Variants in INPP4A observed in about 807,000 individuals in gnomAD.
INPP4A encodes inositol polyphosphate-4-phosphatase type I A.
Under a neutral mutation model 119.8 loss-of-function variants are expected in INPP4A, and 33 were observed. That is an observed-to-expected ratio of 0.28 (90% confidence interval 0.21 to 0.37). The LOEUF (loss-of-function observed/expected upper bound fraction) is 0.37, where lower values mean the gene tolerates loss of function less well. INPP4A is among the 10% of genes least tolerant of loss of function. The probability of loss-of-function intolerance (pLI) is 1.00; values close to 1 mark genes in which losing one functional copy is unlikely to be tolerated. For synonymous variants in INPP4A, 496 were observed against 500.7 expected, an observed-to-expected ratio of 0.99 and a Z score of 0.12; for missense variants, 956 against 1,289.9, an observed-to-expected ratio of 0.74 and a Z score of 3.97.
chr2:98,585,873 A>G (rs571012054), intron 24 of INPP4A, among the ~76,000 whole-genome samples: 15 of 152,338 alleles, frequency 9.8e-5, no homozygotes, highest in South Asian at 6.2e-4. Flanking sequence ...CTCGCTCCTC[A>G]CGGCAGTTTA....
intron 1 of INPP4A, among the ~76,000 whole-genome samples, chr2:98,463,678 G>C (rs1674090226): frequency 6.6e-6 from 1 of 152,238 alleles, no homozygotes; most frequent in Non-Finnish European, 1.5e-5. Context: ...CTGTAGGAGA[G>C]CAGGAAGTAG....
At chr2:98,510,226 G>A (rs1376217607) in intron 1 of INPP4A, among the ~76,000 whole-genome samples, 1 of 152,192 alleles carries the variant, frequency 6.6e-6, no homozygotes, top group East Asian at 1.9e-4. Context: ...TTGGATGTGG[G>A]ATGTGAGAGG....
intron 1 of INPP4A, among the ~76,000 whole-genome samples, chr2:98,451,406 C>G (rs1395414613): frequency 6.6e-6 from 1 of 152,066 alleles, no homozygotes; most frequent in African/African-American, 2.4e-5. Context: ...GTCAGGAAGA[C>G]AGGGATGTCC....
intron 1 of INPP4A, among the ~76,000 whole-genome samples, chr2:98,460,707 G>A (rs905949659): frequency 2.0e-5 from 3 of 152,170 alleles, no homozygotes; most frequent in African/African-American, 7.2e-5. Context: ...TGTGGATGCT[G>A]CGGCTCACCC....
intron 1 of INPP4A, among the ~76,000 whole-genome samples, chr2:98,503,314 A>G (rs1169460722): frequency 1.3e-5 from 2 of 152,214 alleles, no homozygotes; most frequent in Non-Finnish European, 2.9e-5. Flanking sequence ...CCTGCAAGCT[A>G]AAACCCAGCT....
chr2:98,534,895 G>A (rs1689938048), intron 5 of INPP4A, among the ~76,000 whole-genome samples: 1 of 152,214 alleles, frequency 6.6e-6, no homozygotes, highest in Non-Finnish European at 1.5e-5. Context: ...GAACAACAGA[G>A]AAGAAGGCAC....
chr2:98,588,232 G>A lies in INPP4A; in HGVS notation c.*624G>A, dbSNP rs149329520. The stretch of plus-strand genomic sequence containing the variant: ...CTTTATTAGAAGGTAACACCTGCAA[G>A]GTACCCCACATAGTTGGGGCCACTC... On this transcript the variant is annotated 3_prime_UTR_variant, in exon 25 of 25. Transcript: ENST00000409851. 1.2e-3 allele frequency: 245 copies of A among 210,080 alleles called. No individual in the cohort carries two copies. The highest frequency in any genetic ancestry group is 5.1e-3 in the African/African-American group (225 of 44,164). The allele number at this position is 210,080 out of a possible 1,614,324, so 13.0% of individuals were successfully genotyped here.
At position 98,589,345 on chromosome 2, in the gene INPP4A, C is replaced by T. The variant is rs1177888223; in HGVS notation, c.*1737C>T. The T allele has an allele frequency of 1.1e-5, 2 of 185,616 alleles. No homozygotes were observed. Among genetic ancestry groups the T allele is most frequent in the African/African-American group, 4.7e-5 (2 of 42,622 alleles). The allele number at this position is 185,616 out of a possible 1,614,324, so 11.5% of individuals were successfully genotyped here. ...TGGCTGATTTACCCTTTCACCTCTC[C>T]ACCATCTCATTTAATTTGTAAATTT... On this transcript the variant is annotated 3_prime_UTR_variant, in exon 25 of 25. Transcript: ENST00000409851.
chr2:98,447,780 C>T (rs559953687), intron 1 of INPP4A, among the ~76,000 whole-genome samples: 2 of 152,202 alleles, frequency 1.3e-5, no homozygotes, highest in East Asian at 1.9e-4. Flanking sequence ...CAAGGATATT[C>T]ATAACAGCAG....
chr2:98,537,098 C>G (rs1206616038), intron 7 of INPP4A, among the ~76,000 whole-genome samples: 1 of 152,130 alleles, frequency 6.6e-6, no homozygotes, highest in African/African-American at 2.4e-5. Flanking sequence ...GAGCTAAAGG[C>G]GGCTGATGAT....
In INPP4A at chr2:98,573,291, C is replaced by T. The variant is rs1697809266; in HGVS notation, c.2631+364C>T. Reference sequence around the variant, plus strand: ...TGTGACCTTTCAGGTCTCTTTAAACCATCTTTATCGTCCATTGTGCCTCTG... The same window carrying T: ...TGTGACCTTTCAGGTCTCTTTAAACTATCTTTATCGTCCATTGTGCCTCTG... On this transcript the variant is annotated intron_variant, in intron 23 of 24. Transcript: ENST00000409851. Among the ~76,000 whole-genome samples the T allele has an allele frequency of 1.3e-5, 2 of 152,266 alleles. 1 individual carries two copies. Among genetic ancestry groups the T allele is most frequent in the East Asian group, 3.9e-4 (2 of 5,186 alleles).
intron 17 of INPP4A, among the ~76,000 whole-genome samples, chr2:98,563,049 C>T (rs1695775735): frequency 6.6e-6 from 1 of 152,184 alleles, no homozygotes; most frequent in Non-Finnish European, 1.5e-5. Context: ...TCACAGAGAA[C>T]CTTTCTGGGT....
intron 13 of INPP4A, chr2:98,548,944 T>C (rs757610433): frequency 5.6e-6 from 9 of 1,608,986 alleles, no homozygotes; most frequent in Non-Finnish European, 6.8e-6. Context: ...TTTGGTTCTT[T>C]TCTTTAGCAG....
At chr2:98,488,935 C>CTGTGTGTGTGTGTGTGTGTG (rs55758146) in intron 1 of INPP4A, among the ~76,000 whole-genome samples, 1 of 126,028 alleles carries the variant, frequency 7.9e-6, no homozygotes, top group African/African-American at 3.0e-5. Context: ...AGTACATGCA[C>CTGTGTGTGTGTGTGTGTGTG]TGTGTGTGTG....
rs941983040 is a variant in INPP4A, at chr2:98,566,905, A to C, written c.2420+736A>C. Among the ~76,000 whole-genome samples the C allele has an allele frequency of 6.6e-5, 10 of 152,180 alleles. No individual in the cohort carries two copies. The highest frequency in any genetic ancestry group is 1.3e-4 in the Non-Finnish European group (9 of 68,028). On this transcript the variant is annotated intron_variant, in intron 21 of 24. Coordinates refer to ENST00000409851, the MANE Select transcript of INPP4A (RefSeq NM_001134225.2). This position sits in a 1 kb window ranked among gnomAD's most constrained non-coding sequence, Gnocchi z 4.2. The stretch of plus-strand genomic sequence containing the variant: ...TATGTGTAGAATAGTCTAAACAGAG[A>C]TCTTCAAGTACTTGCTGTGAAGGAA...
Position 98,588,323 on chromosome 2 carries a change from T to C in INPP4A, c.*715T>C, listed in dbSNP as rs551754864. 1.7e-4 allele frequency: 35 copies of C among 201,424 alleles called. No individual in the cohort carries two copies. The highest frequency in any genetic ancestry group is 1.2e-3 in the Admixed American group (20 of 16,632). 12.5% of individuals were successfully genotyped at this position (201,424 alleles called of 1,614,324 possible). A position where few individuals can be genotyped will look rare whatever the true frequency, so the allele number is the denominator to read the frequency against. ...TGGAGACACAAAGCCAGCAGTAAGG[T>C]CCCTTTAGCCTGTCTCCTGTTCTCT... On this transcript the variant is annotated 3_prime_UTR_variant, in exon 25 of 25. Coordinates refer to ENST00000409851, the MANE Select transcript of INPP4A (RefSeq NM_001134225.2).
intron 1 of INPP4A, among the ~76,000 whole-genome samples, chr2:98,502,423 C>G (rs1448002983): frequency 6.6e-6 from 1 of 152,088 alleles, no homozygotes; most frequent in African/African-American, 2.4e-5. Context: ...CTCTTTATTT[C>G]CCAGCTACCA....
intron 1 of INPP4A, among the ~76,000 whole-genome samples, chr2:98,477,204 C>T (rs758590500): frequency 1.3e-5 from 2 of 152,190 alleles, no homozygotes; most frequent in African/African-American, 2.4e-5. Flanking sequence ...TGTAGCGTGG[C>T]GGGTGAGCGG....
At chr2:98,523,887 C>G (rs941938353) in intron 4 of INPP4A, among the ~76,000 whole-genome samples, 4 of 152,202 alleles carry the variant, frequency 2.6e-5, no homozygotes, top group Non-Finnish European at 4.4e-5. Flanking sequence ...TTGACCCTCA[C>G]AGAGTACTAT....
Sources: gnomAD v4.1 joint callset for allele counts (sites outside exome capture counted in the v4.1 genomes callset) on GRCh38, gnomAD v4.1.1 for gene constraint, Gnocchi (gnomAD v3.1) non-coding constraint, MANE v1.5 for transcripts, NCBI Gene and HGNC (gene_info 2026-07-23, HGNC 2026-07-21) for gene names.